MYO1E: variants seen among roughly 807,000 people sequenced by gnomAD.
The protein encoded by MYO1E is unconventional myosin-Ie.
In MYO1E, 68 loss-of-function variants were observed where a neutral mutation model predicts 151.1. The ratio of observed to expected loss-of-function variants is 0.45; its 90% confidence interval spans 0.37 to 0.55. MYO1E has a LOEUF of 0.55. MYO1E is among the 20% of genes least tolerant of loss of function. The pLI is 0.00. For missense variants in MYO1E, 1,363 were observed against 1,389.3 expected (o/e 0.98, Z 0.30); for synonymous variants, 601 against 501.7 (o/e 1.20, Z -2.64).
intron 5 of MYO1E, among the ~76,000 whole-genome samples, chr15:59,234,233 GATGGATGGATGGGTGC>G (rs1319105752): frequency 0.023 from 3,464 of 147,812 alleles, 133 homozygotes; most frequent in African/African-American, 0.081. Context: ...TGGATGGATG[GATGGATGGATGGGTGC>G]ATGGATGGAT....
intron 11 of MYO1E, 82 bp downstream of exon 11, chr15:59,214,558 T>C: frequency 7.6e-7 from 1 of 1,317,874 alleles, no homozygotes; most frequent in Non-Finnish European, 1.1e-6. Flanking sequence ...TTTTTTGTTT[T>C]TGCATTGCCT....
intron 1 of MYO1E, chr15:59,341,314 A>G (rs1318347268): frequency 6.6e-6 from 1 of 152,132 alleles, no homozygotes; most frequent in Non-Finnish European, 1.5e-5. Flanking sequence ...TTTTTCAATA[A>G]CATTTAAAAT....
At chr15:59,202,299 C>A (rs756346225) in intron 16 of MYO1E, 27 bp downstream of exon 16, 1 of 1,600,136 alleles carries the variant, frequency 6.2e-7, no homozygotes, top group Non-Finnish European at 8.6e-7. Flanking sequence ...TTATAAGAAT[C>A]TATAAACTTC....
chr15:59,182,219 T>C (rs772374118), intron 18 of MYO1E, among the ~76,000 whole-genome samples: 1 of 152,150 alleles, frequency 6.6e-6, no homozygotes, highest in Non-Finnish European at 1.5e-5. Context: ...TTTTTTTTTA[T>C]TTTTATTTTT....
At chr15:59,206,163 A>G (rs1274597332) in intron 14 of MYO1E, among the ~76,000 whole-genome samples, 1 of 152,146 alleles carries the variant, frequency 6.6e-6, no homozygotes, top group African/African-American at 2.4e-5. Flanking sequence ...AAGAACACCA[A>G]AAGTGCACTC....
intron 25 of MYO1E, among the ~76,000 whole-genome samples, chr15:59,157,847 C>T (rs746826886): frequency 6.6e-6 from 1 of 152,196 alleles, no homozygotes; most frequent in African/African-American, 2.4e-5. Flanking sequence ...CCCCACTGGG[C>T]GTCTTGGAAT....
intron 1 of MYO1E, among the ~76,000 whole-genome samples, chr15:59,321,510 A>G (rs1168701474): frequency 1.3e-5 from 2 of 152,220 alleles, no homozygotes; most frequent in East Asian, 1.9e-4. Flanking sequence ...CATAAAGAAG[A>G]GCGAAATCAT....
At chr15:59,310,038 T>C (rs1483508451) in intron 1 of MYO1E, among the ~76,000 whole-genome samples, 1 of 152,222 alleles carries the variant, frequency 6.6e-6, no homozygotes, top group Non-Finnish European at 1.5e-5. Context: ...ATTTCTCACC[T>C]GCAATAGCGC....
intron 4 of MYO1E, among the ~76,000 whole-genome samples, chr15:59,248,486 CAAAAAAAAAAAA>C (rs71119447): frequency 2.3e-4 from 13 of 57,052 alleles, no homozygotes; most frequent in African/African-American, 7.5e-5. Flanking sequence ...GACTCCATCT[CAAAAAAAAAAAA>C]AAAAAAAAAA....
intron 1 of MYO1E, among the ~76,000 whole-genome samples, chr15:59,340,397 T>C (rs2080758111): frequency 6.6e-6 from 1 of 152,114 alleles, no homozygotes; most frequent in Admixed American, 6.5e-5. Flanking sequence ...TTTGAGGTTC[T>C]ATTTCCGTGA....
At position 59,136,208 on chromosome 15, in the gene MYO1E, C is replaced by G. The variant is rs76518452; in HGVS notation, c.*1172G>C. ...CACCATTATATTGGATTAAGACCCA[C>G]TCTAATGACTTCATTTTAATTAGTT... On this transcript the variant is annotated 3_prime_UTR_variant, in exon 28 of 28. Coordinates refer to ENST00000288235, the MANE Select transcript of MYO1E (RefSeq NM_004998.4). The G allele has an allele frequency of 6.5e-6, 1 of 154,954 alleles. No individual in the cohort carries two copies. Among genetic ancestry groups the G allele is most frequent in the Non-Finnish European group, 1.4e-5 (1 of 69,692 alleles). The allele number at this position is 154,954 out of a possible 1,614,324, so 9.6% of individuals were successfully genotyped here.
chr15:59,262,342 A>C lies in MYO1E; in HGVS notation c.148-833T>G, dbSNP rs756110611. ...ATGAGGTAATTTTCTGGCCAGGTGC[A>C]GTGGCTCATGCCTGTCTGTACTCCC... On this transcript the variant is annotated intron_variant, in intron 2 of 27. Transcript: ENST00000288235. Among the ~76,000 whole-genome samples the C allele has an allele frequency of 4.5e-4, 68 of 152,122 alleles. 1 individual carries two copies. The highest frequency in any genetic ancestry group is 4.6e-4 in the Admixed American group (7 of 15,280).
intron 4 of MYO1E, among the ~76,000 whole-genome samples, chr15:59,246,167 G>C (rs1596383072): frequency 6.6e-6 from 1 of 151,826 alleles, no homozygotes; most frequent in Non-Finnish European, 1.5e-5. Flanking sequence ...ATCCAGGCTG[G>C]AGTGCAGTGG....
chr15:59,180,914 A>C (rs2079654648), intron 18 of MYO1E, among the ~76,000 whole-genome samples: 1 of 152,188 alleles, frequency 6.6e-6, no homozygotes, highest in African/African-American at 2.4e-5. Context: ...CAAATATGCT[A>C]ATATTTCCTC....
At chr15:59,244,714 C>T (rs1293891668) in intron 4 of MYO1E, among the ~76,000 whole-genome samples, 2 of 152,210 alleles carry the variant, frequency 1.3e-5, no homozygotes, top group Non-Finnish European at 2.9e-5. Context: ...AAGATTTTAA[C>T]AGTTTCATTA....
At chr15:59,302,782 A>T (rs1325203947) in intron 1 of MYO1E, among the ~76,000 whole-genome samples, 2 of 152,162 alleles carry the variant, frequency 1.3e-5, no homozygotes, top group Non-Finnish European at 2.9e-5. Context: ...TGGACACTAT[A>T]TAAATTATAC....
chr15:59,161,038 G>A (rs771847587), intron 24 of MYO1E, 35 bp downstream of exon 24: 14 of 1,611,698 alleles, frequency 8.7e-6, no homozygotes, highest in African/African-American at 4.0e-5. Context: ...GGGGAGCGGC[G>A]GCAGTTCTGC....
intron 26 of MYO1E, among the ~76,000 whole-genome samples, chr15:59,149,370 A>G (rs1397621886): frequency 6.6e-6 from 1 of 152,108 alleles, no homozygotes; most frequent in East Asian, 1.9e-4. Context: ...TGAACTGTTA[A>G]TAGGATTCTT....
intron 26 of MYO1E, among the ~76,000 whole-genome samples, chr15:59,141,917 C>T (rs544288057): frequency 7.3e-5 from 11 of 151,590 alleles, no homozygotes; most frequent in African/African-American, 2.7e-4. Context: ...ACCATCCTGG[C>T]TAACACGGTG....
Sources: allele counts gnomAD v4.1 joint callset (sites outside exome capture counted in the v4.1 genomes callset), GRCh38; gene constraint gnomAD v4.1.1; transcripts MANE v1.5; gene names NCBI Gene and HGNC (gene_info 2026-07-23, HGNC 2026-07-21).